Variants in CLIC6 observed in about 807,000 individuals in gnomAD.
CLIC6 encodes the protein CLIC family member 6.
CLIC6 carries 39 observed loss-of-function variants against 49.2 expected under a neutral mutation model. The observed-to-expected ratio is 0.79, with a 90% CI of 0.61 to 1.04. CLIC6 has a LOEUF of 1.04. Ranked by LOEUF, CLIC6 falls within the 50% of genes least tolerant of loss-of-function variation. The pLI is 0.00. For synonymous variants in CLIC6, 446 were observed against 433.4 expected (o/e 1.03, Z -0.36); for missense variants, 988 against 993.1 (o/e 0.99, Z 0.07).
At chr21:34,712,258 T>C (rs1445162979) in intron 5 of CLIC6, among the ~76,000 whole-genome samples, 1 of 152,114 alleles carries the variant, frequency 6.6e-6, no homozygotes, top group East Asian at 1.9e-4. Context: ...TGGTAAAAGA[T>C]GAGAGTGTGA....
chr21:34,698,819 C>A (rs1233259487), intron 1 of CLIC6, among the ~76,000 whole-genome samples: 1 of 152,160 alleles, frequency 6.6e-6, no homozygotes, highest in African/African-American at 2.4e-5. Context: ...GGCATCTTAT[C>A]AGGGTTAACC....
Position 34,669,834 on chromosome 21 carries a change from A to G in CLIC6, c.446A>G (p.Glu149Gly). The G allele has an allele frequency of 7.1e-7, 1 of 1,406,162 alleles. No individual in the cohort carries two copies. The allele number at this position is 1,406,162 out of a possible 1,614,324, so 87.1% of individuals were successfully genotyped here. ...GCGGAGCAGAGGCCTGAGGTCCCGG[A>G]AGGTAGCGCGTCCGGGGAGGCGGGG... ...EEAEQRPEVP[E>G]GSASGEAGDS... Residue 149 changes from glutamate to glycine, a missense_variant, in exon 1 of 6, where the codon GAA becomes GGA. By Grantham distance (98) the Glu-to-Gly change is moderately conservative (BLOSUM62 -2). Coordinates refer to ENST00000349499, the MANE Select transcript of CLIC6 (RefSeq NM_053277.3).
At chr21:34,685,301 C>G (rs1989856366) in intron 1 of CLIC6, among the ~76,000 whole-genome samples, 1 of 152,130 alleles carries the variant, frequency 6.6e-6, no homozygotes, top group Non-Finnish European at 1.5e-5. Context: ...CTGGAACACA[C>G]AGTGATATTC....
intron 5 of CLIC6, among the ~76,000 whole-genome samples, chr21:34,714,689 A>C (rs915502448): frequency 8.5e-6 from 1 of 117,940 alleles, no homozygotes; most frequent in Non-Finnish European, 1.8e-5. Context: ...TGTCTCAAAA[A>C]AACAAAAAAA....
chr21:34,713,484 T>C lies in CLIC6; in HGVS notation c.1900-2837T>C, dbSNP rs188379927. Among the ~76,000 whole-genome samples the C allele has an allele frequency of 1.4e-4, 21 of 152,336 alleles. No homozygotes were observed. The East Asian group carries it at 3.3e-3, about 24-fold the overall frequency. ...AGACATTGCTGAAATTGATTTCCTC[T>C]GACATTCGCACACATCTTATAGAGT... is the stretch of plus-strand genomic sequence containing the variant. On this transcript the variant is annotated intron_variant, in intron 5 of 5. Coordinates refer to ENST00000349499, the MANE Select transcript of CLIC6 (RefSeq NM_053277.3).
intron 1 of CLIC6, among the ~76,000 whole-genome samples, chr21:34,702,394 C>A (rs1990206395): frequency 6.6e-6 from 1 of 152,160 alleles, no homozygotes; most frequent in African/African-American, 2.4e-5. Flanking sequence ...TGGCGAGCAG[C>A]CAGGGCTCCC....
At chr21:34,699,026 G>C (rs1990139671) in intron 1 of CLIC6, among the ~76,000 whole-genome samples, 1 of 152,196 alleles carries the variant, frequency 6.6e-6, no homozygotes, top group Admixed American at 6.5e-5. Context: ...GGAGAGAGGA[G>C]AGCGAGAGAG....
chr21:34,693,510 T>G (rs1403451206), intron 1 of CLIC6, among the ~76,000 whole-genome samples: 1 of 152,178 alleles, frequency 6.6e-6, no homozygotes, highest in Non-Finnish European at 1.5e-5. Flanking sequence ...AACCAAGATT[T>G]AAAAAGGCAA....
intron 1 of CLIC6, among the ~76,000 whole-genome samples, chr21:34,684,944 G>T (rs1415261529): frequency 6.6e-6 from 1 of 152,154 alleles, no homozygotes. Flanking sequence ...TTCCAGGTGT[G>T]AGAGTTCAAA....
At chr21:34,704,549 A>G (rs2056001463) in intron 1 of CLIC6, among the ~76,000 whole-genome samples, 1 of 152,182 alleles carries the variant, frequency 6.6e-6, no homozygotes, top group African/African-American at 2.4e-5. Context: ...TTTTAAGGCC[A>G]CAAAGGGGGA....
At position 34,669,624 on chromosome 21, in the gene CLIC6, C is replaced by T; in HGVS notation, c.236C>T (p.Ala79Val). ...PEAEARGTRGAHGETEAEEGA... is the reference protein window; with the variant it reads ...PEAEARGTRGVHGETEAEEGA... Reference sequence around the variant, plus strand: ...GCCGAGGCGCGGGGCACGAGGGGGGCGCACGGCGAGACTGAGGCCGAGGAG... The same window carrying T: ...GCCGAGGCGCGGGGCACGAGGGGGGTGCACGGCGAGACTGAGGCCGAGGAG... Residue 79 changes from alanine (A) to valine (V), a missense_variant, in exon 1 of 6, where the codon GCG becomes GTG. Around this residue, in one of 3 missense-constraint regions of CLIC6, gnomAD observed 284 missense variants for 278.6 expected, o/e 1.02. Coordinates refer to ENST00000349499, the MANE Select transcript of CLIC6 (RefSeq NM_053277.3). The T allele has an allele frequency of 1.6e-6, 2 of 1,276,232 alleles. No homozygotes were observed. Among genetic ancestry groups the T allele is most frequent in the Non-Finnish European group, 2.0e-6 (2 of 1,014,110 alleles). The allele number at this position is 1,276,232 out of a possible 1,614,324, so 79.1% of individuals were successfully genotyped here.
chr21:34,712,788 AACT>A (rs1232134907), intron 5 of CLIC6, among the ~76,000 whole-genome samples: 1 of 152,190 alleles, frequency 6.6e-6, no homozygotes, highest in Non-Finnish European at 1.5e-5. Flanking sequence ...GAATTGCCCA[AACT>A]TCGTTTCTAG....
In CLIC6 at chr21:34,709,527, C is replaced by A. The variant is rs1425665302; in HGVS notation, c.1888C>A (p.His630Asn). 1 of 1,613,900 alleles carries A rather than the reference C, an allele frequency of 6.2e-7. No individual in the cohort carries two copies. Among genetic ancestry groups the A allele is most frequent in the Non-Finnish European group, 8.5e-7 (1 of 1,179,824 alleles). ...LADCNLLPKL[H>N]IIKIVAKKYR... ...TGACTGCAACCTCTTACCCAAGCTC[C>A]ATATTATTAAGGTTCATCTTCCCTC... The change falls in exon 5 of 6, where the codon CAT becomes AAT. Residue 630 changes from histidine to asparagine, a missense_variant. Transcript: ENST00000349499.
chr21:34,690,791 G>T (rs961712568), intron 1 of CLIC6, among the ~76,000 whole-genome samples: 1 of 141,860 alleles, frequency 7.0e-6, no homozygotes. Context: ...AGTGAATCCT[G>T]AAATAGTGTG....
At chr21:34,672,367 G>C (rs1642414205) in intron 1 of CLIC6, among the ~76,000 whole-genome samples, 1 of 152,154 alleles carries the variant, frequency 6.6e-6, no homozygotes, top group Non-Finnish European at 1.5e-5. Context: ...GTCTCGCTAT[G>C]CCACCTGGAT....
At chr21:34,682,801 ATTTTTTTTTTTT>A (rs1172251761) in intron 1 of CLIC6, among the ~76,000 whole-genome samples, 3 of 69,302 alleles carry the variant, frequency 4.3e-5, no homozygotes, top group East Asian at 5.1e-4. Flanking sequence ...CTTTCCCTCC[ATTTTTTTTTTTT>A]TTTTTTTTTT....
chr21:34,716,522 C>A lies in CLIC6; in HGVS notation c.*40C>A. ...CTGTCTTATTTCTCAGTTGAGTGAG[C>A]AAGGATACGAAAACAGTGTGTTTGA... On this transcript the variant is annotated 3_prime_UTR_variant, in exon 6 of 6. Transcript: ENST00000349499. The A allele has an allele frequency of 1.9e-6, 3 of 1,541,438 alleles. No individual in the cohort carries two copies. Among genetic ancestry groups the A allele is most frequent in the Non-Finnish European group, 2.6e-6 (3 of 1,136,594 alleles).
intron 1 of CLIC6, among the ~76,000 whole-genome samples, chr21:34,673,940 C>T (rs1189272286): frequency 2.6e-5 from 4 of 152,212 alleles, no homozygotes; most frequent in East Asian, 3.9e-4. Flanking sequence ...TGCCTAGATG[C>T]GTCTTCATGG....
At chr21:34,690,736 TTTATGGA>T (rs1303055835) in intron 1 of CLIC6, among the ~76,000 whole-genome samples, 2 of 152,110 alleles carry the variant, frequency 1.3e-5, no homozygotes, top group African/African-American at 4.8e-5. Context: ...CCTCAACTGC[TTTATGGA>T]CAATTACATG....
Sources: gnomAD v4.1 joint callset for allele counts (sites outside exome capture counted in the v4.1 genomes callset) on GRCh38, gnomAD v4.1.1 for gene constraint, gnomAD v4.1.1 regional missense constraint, MANE v1.5 for transcripts, NCBI Gene and HGNC (gene_info 2026-07-23, HGNC 2026-07-21) for gene names.